The following GRIP1 variants were observed in gnomAD, a reference collection of about 807,000 sequenced individuals.
The protein encoded by GRIP1 is glutamate receptor-interacting protein 1.
In GRIP1, 45 loss-of-function variants were observed where a neutral mutation model predicts 129.9. The ratio of observed to expected loss-of-function variants is 0.35; its 90% CI spans 0.27 to 0.44. The LOEUF is 0.44. Ranked by LOEUF, GRIP1 falls within the 20% of genes least tolerant of loss-of-function variation. The probability of loss-of-function intolerance (pLI) is 1.00; values close to 1 mark genes in which losing one functional copy is unlikely to be tolerated. For synonymous variants in GRIP1, 530 were observed against 520.8 expected, an observed-to-expected ratio of 1.02 and a Z score of -0.24; for missense variants, 1,196 against 1,396.8, an observed-to-expected ratio of 0.86 and a Z score of 2.29.
intron 1 of GRIP1, among the ~76,000 whole-genome samples, chr12:66,818,081 T>G (rs1373637067): frequency 6.6e-6 from 1 of 152,254 alleles, no homozygotes; most frequent in Non-Finnish European, 1.5e-5. Context: ...GATCTGAAAC[T>G]ATGTCAAGGA....
intron 7 of GRIP1, among the ~76,000 whole-genome samples, chr12:66,491,263 C>T (rs1235862035): frequency 6.6e-6 from 1 of 152,182 alleles, no homozygotes; most frequent in African/African-American, 2.4e-5. Context: ...TACACATATA[C>T]CACAGAATAC....
chr12:66,827,370 G>A (rs1213632307), intron 1 of GRIP1, among the ~76,000 whole-genome samples: 2 of 103,180 alleles, frequency 1.9e-5, no homozygotes, highest in Non-Finnish European at 4.0e-5. Flanking sequence ...CCAGGTGTGT[G>A]TGTGTGTGTG....
At chr12:66,591,030 T>G (rs1189701094) in intron 2 of GRIP1, among the ~76,000 whole-genome samples, 2 of 152,194 alleles carry the variant, frequency 1.3e-5, no homozygotes, top group Non-Finnish European at 2.9e-5. Context: ...TAACATTTAC[T>G]AAGCACTGTT....
chr12:66,800,575 TA>T (rs1324026812), intron 1 of GRIP1, among the ~76,000 whole-genome samples: 1 of 152,092 alleles, frequency 6.6e-6, no homozygotes, highest in East Asian at 1.9e-4. Flanking sequence ...TGTGGCTAAA[TA>T]AAAATACACA....
At chr12:66,407,075 T>C (rs945711140) in intron 15 of GRIP1, among the ~76,000 whole-genome samples, 2 of 152,244 alleles carry the variant, frequency 1.3e-5, no homozygotes, top group Non-Finnish European at 2.9e-5. Context: ...TATATGTTTC[T>C]ATGTGTGTAT....
chr12:66,537,709 AG>A (rs1356562646), intron 4 of GRIP1, among the ~76,000 whole-genome samples: 2 of 152,208 alleles, frequency 1.3e-5, no homozygotes, highest in African/African-American at 2.4e-5. Flanking sequence ...AAAATGGCTT[AG>A]GTGGCAAACA....
intron 1 of GRIP1, among the ~76,000 whole-genome samples, chr12:66,703,831 A>C (rs550713770): frequency 1.8e-4 from 28 of 152,260 alleles, no homozygotes; most frequent in African/African-American, 6.5e-4. Flanking sequence ...AATCCATAGT[A>C]ATGAAAACCA....
intron 1 of GRIP1, among the ~76,000 whole-genome samples, chr12:66,713,136 A>C (rs1384037381): frequency 6.6e-6 from 1 of 152,038 alleles, no homozygotes; most frequent in Non-Finnish European, 1.5e-5. Flanking sequence ...TCCTTCCATC[A>C]AAAATGTCAT....
chr12:66,853,123 G>A (rs1200386772), intron 1 of GRIP1, among the ~76,000 whole-genome samples: 2 of 151,590 alleles, frequency 1.3e-5, no homozygotes, highest in Admixed American at 6.6e-5. Context: ...AACCAAACGT[G>A]AGGAGCTTTT....
intron 2 of GRIP1, among the ~76,000 whole-genome samples, chr12:66,565,794 A>G (rs1239985892): frequency 1.3e-5 from 2 of 151,898 alleles, no homozygotes; most frequent in African/African-American, 4.8e-5. Context: ...GTCCTCTTTT[A>G]TTTCGTTGAG....
chr12:67,009,636 C>T (rs1333870441), intron 1 of GRIP1, among the ~76,000 whole-genome samples: 1 of 152,156 alleles, frequency 6.6e-6, no homozygotes, highest in Non-Finnish European at 1.5e-5. Flanking sequence ...GACTGCTCAA[C>T]ACTGTGAAAG....
intron 2 of GRIP1, 33 bp from the exon 3 acceptor site, chr12:66,541,983 T>C (rs1372678126): frequency 1.2e-6 from 2 of 1,605,408 alleles, no homozygotes; most frequent in Admixed American, 3.3e-5. Context: ...CTTATTAAAA[T>C]GAGAGTAGAA....
intron 4 of GRIP1, among the ~76,000 whole-genome samples, chr12:66,536,943 T>C (rs573566012): frequency 6.6e-6 from 1 of 152,208 alleles, no homozygotes; most frequent in East Asian, 1.9e-4. Context: ...TCATAGCTAA[T>C]AATAGGAGAG....
At chr12:66,606,999 GAGAGAGAGAGAGAGAA>G (rs370891168) in intron 1 of GRIP1, among the ~76,000 whole-genome samples, 6,291 of 151,838 alleles carry the variant, frequency 0.041, 250 homozygotes, top group African/African-American at 0.1. Context: ...CTTGGAGAGA[GAGAGAGAGAGAGAGAA>G]AGAGAGAGAG....
At chr12:66,946,196 T>C (rs1227598997) in intron 1 of GRIP1, among the ~76,000 whole-genome samples, 1 of 152,216 alleles carries the variant, frequency 6.6e-6, no homozygotes, top group Non-Finnish European at 1.5e-5. Context: ...TTGCTTGCTC[T>C]TCTTTCCCCA....
intron 1 of GRIP1, among the ~76,000 whole-genome samples, chr12:66,643,849 C>A (rs2032138322): frequency 6.6e-6 from 1 of 152,234 alleles, no homozygotes; most frequent in South Asian, 2.1e-4. Flanking sequence ...CAGGCATGAG[C>A]CACTATGCCT....
intron 2 of GRIP1, among the ~76,000 whole-genome samples, chr12:66,582,119 G>A (rs2139622869): frequency 6.6e-6 from 1 of 152,056 alleles, no homozygotes; most frequent in African/African-American, 2.4e-5. Context: ...ATCAATAAAT[G>A]TAATCCAGCA....
At chr12:66,515,480 G>T in intron 7 of GRIP1, 139 bp downstream of exon 7, 1 of 837,774 alleles carries the variant, frequency 1.2e-6, no homozygotes, top group Non-Finnish European at 2.1e-6. Context: ...AACTCAAACA[G>T]AGTAAAATGA....
intron 1 of GRIP1, among the ~76,000 whole-genome samples, chr12:66,699,975 C>T (rs556286277): frequency 2.0e-5 from 3 of 152,212 alleles, no homozygotes; most frequent in African/African-American, 7.2e-5. Flanking sequence ...AGTCCACCTC[C>T]TGGGAGGGGC....
Sources: allele counts gnomAD v4.1 joint callset (sites outside exome capture counted in the v4.1 genomes callset), GRCh38; gene constraint gnomAD v4.1.1; transcripts MANE v1.5; gene names NCBI Gene and HGNC (gene_info 2026-07-23, HGNC 2026-07-21).